DAB1: variants seen among roughly 807,000 people sequenced by gnomAD.
DAB1 encodes the protein DAB adaptor protein 1.
Under a neutral mutation model 64.6 loss-of-function variants are expected in DAB1, and 15 were observed. The ratio of observed to expected loss-of-function variants is 0.23; its 90% confidence interval spans 0.16 to 0.36. The LOEUF is 0.36. Ranked by LOEUF, DAB1 falls within the 10% of genes least tolerant of loss-of-function variation. DAB1 has a pLI of 1.00. For missense variants in DAB1, 596 were observed against 706.7 expected, an observed-to-expected ratio of 0.84 and a Z score of 1.78; for synonymous variants, 235 against 251.9, an observed-to-expected ratio of 0.93 and a Z score of 0.64.
chr1:57,791,179 A>T (rs1569698123), intron 6 of DAB1, among the ~76,000 whole-genome samples: 1 of 152,300 alleles, frequency 6.6e-6, no homozygotes, highest in Admixed American at 6.5e-5. Flanking sequence ...CTTACAAAGA[A>T]ATATGACACA....
At chr1:57,565,383 A>T (rs1393392180) in intron 7 of DAB1, among the ~76,000 whole-genome samples, 1 of 152,242 alleles carries the variant, frequency 6.6e-6, no homozygotes, top group African/African-American at 2.4e-5. Flanking sequence ...CAAAATAACC[A>T]GCTAACATCA....
chr1:58,381,612 A>G (rs886709334), intron 3 of DAB1, among the ~76,000 whole-genome samples: 2 of 152,216 alleles, frequency 1.3e-5, no homozygotes, highest in African/African-American at 4.8e-5. Context: ...CAGATTCAGG[A>G]TACAGTTTGA....
At chr1:57,813,258 A>T (rs1438652162) in intron 6 of DAB1, among the ~76,000 whole-genome samples, 1 of 152,248 alleles carries the variant, frequency 6.6e-6, no homozygotes, top group African/African-American at 2.4e-5. Flanking sequence ...AAGGAATGGC[A>T]AAATGATAAT....
rs1013599964 is a variant in DAB1, at chr1:58,006,473, T to C, written n.388-122311A>G. ...GGTAAGTATTGCAGAAATAAGGATA[T>C]TTAGGATCACAAAGATGAATCACTG... On this transcript the variant is annotated intron_variant and non_coding_transcript_variant, in intron 5 of 20. Transcript: ENST00000485760. Among the ~76,000 whole-genome samples, 50 of 152,128 alleles carry C rather than the reference T, an allele frequency of 3.3e-4. 1 individual carries two copies. Among genetic ancestry groups the C allele is most frequent in the Admixed American group, 3.1e-3 (47 of 15,270 alleles).
At chr1:57,563,825 A>G (rs1026617195) in intron 7 of DAB1, among the ~76,000 whole-genome samples, 2 of 152,234 alleles carry the variant, frequency 1.3e-5, no homozygotes, top group African/African-American at 4.8e-5. Flanking sequence ...CCGCAGCTCA[A>G]GATGGCCTGC....
chr1:58,351,650 A>G (rs929570159), intron 3 of DAB1, among the ~76,000 whole-genome samples: 2 of 151,834 alleles, frequency 1.3e-5, no homozygotes, highest in Non-Finnish European at 2.9e-5. Flanking sequence ...TCATGCATGC[A>G]GAGCCAAGAA....
chr1:57,138,923 G>A (rs1311307697), intron 3 of DAB1, among the ~76,000 whole-genome samples: 1 of 151,966 alleles, frequency 6.6e-6, no homozygotes, highest in Non-Finnish European at 1.5e-5. Context: ...TTTTTATTTG[G>A]TTTGTGCCCA....
chr1:57,409,998 T>C (rs1683979949), intron 1 of DAB1, among the ~76,000 whole-genome samples: 1 of 152,208 alleles, frequency 6.6e-6, no homozygotes, highest in Non-Finnish European at 1.5e-5. Flanking sequence ...ACACATTCTA[T>C]TAACTGTGTA....
intron 7 of DAB1, among the ~76,000 whole-genome samples, chr1:57,519,652 C>G (rs1315803176): frequency 6.6e-6 from 1 of 152,122 alleles, no homozygotes; most frequent in Non-Finnish European, 1.5e-5. Flanking sequence ...AGAATAGATT[C>G]CTGTGCTGAG....
chr1:57,767,442 G>C (rs1038534242), intron 6 of DAB1, among the ~76,000 whole-genome samples: 17 of 152,080 alleles, frequency 1.1e-4, no homozygotes, highest in Non-Finnish European at 1.8e-4. Flanking sequence ...AGTCAATAAG[G>C]CTTCCCTTGA....
intron 5 of DAB1, among the ~76,000 whole-genome samples, chr1:57,998,651 T>C (rs1646464357): frequency 6.6e-6 from 1 of 152,086 alleles, no homozygotes; most frequent in African/African-American, 2.4e-5. Context: ...GGCATGAGCC[T>C]CACTCCCAGT....
chr1:58,079,305 C>A (rs546186407), intron 5 of DAB1, among the ~76,000 whole-genome samples: 1 of 152,082 alleles, frequency 6.6e-6, no homozygotes, highest in Non-Finnish European at 1.5e-5. Flanking sequence ...CCACTGCACC[C>A]TCTCCACTTA....
At chr1:57,041,093 G>T (rs1270752166) in intron 9 of DAB1, among the ~76,000 whole-genome samples, 1 of 152,226 alleles carries the variant, frequency 6.6e-6, no homozygotes, top group African/African-American at 2.4e-5. Context: ...CACAAATGGA[G>T]AGATGTCACA....
chr1:57,033,256 AT>A (rs1370628581), intron 9 of DAB1: 1 of 952,626 alleles, frequency 1.0e-6, no homozygotes, highest in Non-Finnish European at 1.7e-6. Context: ...TCCTGGGGAC[AT>A]TTGAATAGGT....
rs545147304 is a variant in DAB1, at chr1:57,216,297, G to A, written c.68-70868C>T. Among the ~76,000 whole-genome samples, 57 of 152,194 alleles carry A rather than the reference G, an allele frequency of 3.7e-4. 1 individual carries two copies. In the South Asian group the frequency reaches 0.012, roughly 32 times the overall value. ...CTCTGGAATTGCTATAAGGGTAAGT[G>A]CACATATGGCTTCCAGCAGGGTACC... On this transcript the variant is annotated intron_variant, in intron 2 of 14. Transcript: ENST00000371236.
At chr1:58,416,069 G>A (rs1397331924) in intron 3 of DAB1, among the ~76,000 whole-genome samples, 4 of 152,118 alleles carry the variant, frequency 2.6e-5, no homozygotes, top group South Asian at 2.1e-4. Context: ...AAGGTAGAAC[G>A]CTAAAGTAAC....
intron 7 of DAB1, among the ~76,000 whole-genome samples, chr1:57,448,507 C>T (rs1324464795): frequency 6.6e-6 from 1 of 152,144 alleles, no homozygotes; most frequent in Non-Finnish European, 1.5e-5. Context: ...TAACTAACAA[C>T]ACTTGATTGT....
At chr1:58,454,080 T>C (rs925434666) in intron 3 of DAB1, among the ~76,000 whole-genome samples, 1 of 152,168 alleles carries the variant, frequency 6.6e-6, no homozygotes, top group African/African-American at 2.4e-5. Flanking sequence ...AAATATCAAT[T>C]GGCTCAGCCC....
intron 5 of DAB1, among the ~76,000 whole-genome samples, chr1:57,976,353 G>C (rs1443233122): frequency 1.3e-5 from 2 of 152,138 alleles, no homozygotes; most frequent in African/African-American, 2.4e-5. Context: ...TATTGCCTGA[G>C]GCACAAGCAA....
Sources: gnomAD v4.1 joint callset for allele counts (sites outside exome capture counted in the v4.1 genomes callset) on GRCh38, gnomAD v4.1.1 for gene constraint, MANE v1.5 for transcripts, NCBI Gene and HGNC (gene_info 2026-07-23, HGNC 2026-07-21) for gene names.